Variants in CWH43 observed in about 807,000 individuals in gnomAD.
CWH43 encodes the protein PGAP2-interacting protein.
Under a neutral mutation model 85.7 loss-of-function variants are expected in CWH43, and 91 were observed. The ratio of observed to expected loss-of-function variants is 1.06; its 90% CI spans 0.90 to 1.26. CWH43 has a LOEUF of 1.26. CWH43 is among the 50% of genes most tolerant of loss of function. CWH43 has a pLI of 0.00. For synonymous variants in CWH43, 323 were observed against 293.6 expected (o/e 1.10, Z -1.02); for missense variants, 869 against 839.2 (o/e 1.04, Z -0.44).
At chr4:48,995,340 G>A (rs1176423269) in intron 5 of CWH43, among the ~76,000 whole-genome samples, 2 of 152,206 alleles carry the variant, frequency 1.3e-5, no homozygotes, top group East Asian at 3.8e-4. Context: ...GGGTCACACA[G>A]GGAGTTAGTA....
chr4:48,988,422 T>A, intron 1 of CWH43, 55 bp from the exon 2 acceptor site: 2 of 1,405,226 alleles, frequency 1.4e-6, no homozygotes, highest in Non-Finnish European at 1.9e-6. Flanking sequence ...AGGACTGTCG[T>A]TAGAAACAAT....
chr4:48,986,681 G>T, intron 1 of CWH43: 1 of 1,341,690 alleles, frequency 7.5e-7, no homozygotes, highest in African/African-American at 1.5e-5. Context: ...AGCTGAGTCT[G>T]CGAGGCGCCC....
intron 1 of CWH43, chr4:48,986,677 G>A: frequency 7.4e-7 from 1 of 1,344,836 alleles, no homozygotes; most frequent in Non-Finnish European, 9.5e-7. Context: ...TTCAAGCTGA[G>A]TCTGCGAGGC....
chr4:49,017,722 GT>G (rs752911006), intron 9 of CWH43, among the ~76,000 whole-genome samples: 2 of 152,138 alleles, frequency 1.3e-5, no homozygotes, highest in South Asian at 2.1e-4. Flanking sequence ...GGAGGTATCT[GT>G]TCTACTTCTG....
rs567620627 is a variant in CWH43 at position 49,012,259 on chromosome 4, C to T, written c.1186+4933C>T. Among the ~76,000 whole-genome samples the T allele has an allele frequency of 5.3e-5, 8 of 152,288 alleles. No individual in the cohort carries two copies. The South Asian group carries it at 6.2e-4, about 12-fold the overall frequency. Reference sequence around the variant, plus strand: ...CACTGATATCCTCCTTCCACTTGATCAAATCAGCTATTGAAGCTTGTGCAT... The same window carrying T: ...CACTGATATCCTCCTTCCACTTGATTAAATCAGCTATTGAAGCTTGTGCAT... On this transcript the variant is annotated intron_variant, in intron 8 of 15. Transcript: ENST00000226432.
In CWH43 at chr4:48,994,893, C is replaced by G. The variant is rs1273821641; in HGVS notation, c.713+73C>G. Reference sequence around the variant, plus strand: ...AGGAAGCAATGCCTCCTTTGTCAGACAGCTAGGTCTGTGCTAGCCAGATAT... The same window carrying G: ...AGGAAGCAATGCCTCCTTTGTCAGAGAGCTAGGTCTGTGCTAGCCAGATAT... On this transcript the variant is annotated intron_variant, in intron 5 of 15. Transcript: ENST00000226432. 3.3e-6 allele frequency: 4 copies of G among 1,206,160 alleles called. No homozygotes were observed. The South Asian group carries it at 4.9e-5, about 15-fold the overall frequency. 74.7% of individuals were successfully genotyped at this position (1,206,160 alleles called of 1,614,324 possible).
chr4:48,994,522 C>A (rs1470681203), intron 4 of CWH43, 97 bp from the exon 5 acceptor site: 1 of 1,016,530 alleles, frequency 9.8e-7, no homozygotes, highest in East Asian at 2.4e-5. Flanking sequence ...CTTCTTGAAG[C>A]CAAATACCAT....
intron 14 of CWH43, among the ~76,000 whole-genome samples, chr4:49,046,547 G>A (rs1784629391): frequency 6.6e-6 from 1 of 152,080 alleles, no homozygotes; most frequent in Non-Finnish European, 1.5e-5. Flanking sequence ...CAGGTGAGAA[G>A]GCAGGGTGTG....
chr4:49,059,267 T>C (rs1018378675), intron 15 of CWH43, among the ~76,000 whole-genome samples: 1 of 152,200 alleles, frequency 6.6e-6, no homozygotes, highest in African/African-American at 2.4e-5. Flanking sequence ...TCAGTTTAGT[T>C]ATGATGTTCC....
Position 48,994,090 on chromosome 4 carries a change from ATAG to A in CWH43, c.512-525_512-523del, listed in dbSNP as rs1322238248. Among the ~76,000 whole-genome samples, 13 of 152,242 alleles carry A rather than the reference ATAG, an allele frequency of 8.5e-5. No homozygotes were observed. In the East Asian group the frequency reaches 2.5e-3, roughly 29 times the overall value. ...TTTTCTAATTTGTAAAATAGGATTA[ATAG>A]TAGAGCCTACCTCATAAAGTTGTGA... is the stretch of plus-strand genomic sequence containing the variant. On this transcript the variant is annotated intron_variant, in intron 4 of 15. Transcript: ENST00000226432.
chr4:49,042,740 G>A (rs1784503870), intron 13 of CWH43, among the ~76,000 whole-genome samples: 1 of 152,168 alleles, frequency 6.6e-6, no homozygotes, highest in Non-Finnish European at 1.5e-5. Flanking sequence ...GTAGGTGAAG[G>A]AAGAGAAGAC....
chr4:49,041,664 C>A (rs1784466455), intron 13 of CWH43, among the ~76,000 whole-genome samples: 1 of 152,132 alleles, frequency 6.6e-6, no homozygotes, highest in Non-Finnish European at 1.5e-5. Flanking sequence ...AAAGTGTGGG[C>A]AGGTGAATCA....
chr4:48,988,923 A>G (rs1361839963), intron 2 of CWH43, among the ~76,000 whole-genome samples: 1 of 152,174 alleles, frequency 6.6e-6, no homozygotes, highest in Non-Finnish European at 1.5e-5. Context: ...GACACCTTAA[A>G]GAACTGATCA....
chr4:49,002,956 T>G (rs1385846706), intron 6 of CWH43, among the ~76,000 whole-genome samples: 1 of 152,160 alleles, frequency 6.6e-6, no homozygotes, highest in Non-Finnish European at 1.5e-5. Flanking sequence ...CAACATGGAT[T>G]GGAATGTTTC....
At chr4:49,025,241 T>C (rs1783873134) in intron 9 of CWH43, among the ~76,000 whole-genome samples, 3 of 152,090 alleles carry the variant, frequency 2.0e-5, no homozygotes, top group Non-Finnish European at 4.4e-5. Flanking sequence ...CTGGAGATTT[T>C]TCCATTCATA....
intron 13 of CWH43, among the ~76,000 whole-genome samples, chr4:49,041,019 G>T (rs914437431): frequency 2.0e-5 from 3 of 152,144 alleles, no homozygotes; most frequent in Non-Finnish European, 4.4e-5. Flanking sequence ...CCCATGGCTT[G>T]TTTTTGTCAG....
At chr4:49,053,217 T>C (rs1784851897) in intron 15 of CWH43, among the ~76,000 whole-genome samples, 1 of 152,234 alleles carries the variant, frequency 6.6e-6, no homozygotes, top group African/African-American at 2.4e-5. Context: ...AGGTTAATTA[T>C]ATTTCTTGGC....
Position 48,988,345 on chromosome 4 carries a change from C to T in CWH43, c.44-132C>T, listed in dbSNP as rs1019418665. ...TTTTGTTCCATGTCAGTGGAGACAA[C>T]TGGAACCCAGTTCAGGCCAGAGTCA... is the stretch of plus-strand genomic sequence containing the variant. On this transcript the variant is annotated intron_variant, in intron 1 of 15. Coordinates refer to ENST00000226432, the MANE Select transcript of CWH43 (RefSeq NM_025087.3). The T allele has an allele frequency of 1.8e-5, 11 of 605,584 alleles. No homozygotes were observed. In the African/African-American group the frequency reaches 2.1e-4, roughly 11 times the overall value. 37.5% of individuals were successfully genotyped at this position (605,584 alleles called of 1,614,324 possible). A position where few individuals can be genotyped will look rare whatever the true frequency, so the allele number is the denominator to read the frequency against.
At chr4:49,018,310 G>A (rs1007900981) in intron 9 of CWH43, among the ~76,000 whole-genome samples, 1 of 151,980 alleles carries the variant, frequency 6.6e-6, no homozygotes, top group Non-Finnish European at 1.5e-5. Context: ...TCACCCCCAG[G>A]CCCCAACTCC....
Sources: gnomAD v4.1 joint callset for allele counts (sites outside exome capture counted in the v4.1 genomes callset) on GRCh38, gnomAD v4.1.1 for gene constraint, MANE v1.5 for transcripts, NCBI Gene and HGNC (gene_info 2026-07-23, HGNC 2026-07-21) for gene names.